The following FLACC1 variants were observed in gnomAD, a reference collection of about 807,000 sequenced individuals.
FLACC1 encodes the protein flagellum associated containing coiled-coil domains 1.
FLACC1 carries 66 observed loss-of-function variants against 62.8 expected under a neutral mutation model. The observed-to-expected ratio is 1.05, with a 90% CI of 0.86 to 1.29. The LOEUF is 1.29. Ranked by LOEUF, FLACC1 falls within the 50% of genes most tolerant of loss-of-function variation. FLACC1 has a pLI of 0.00. For synonymous variants in FLACC1, 156 were observed against 161.0 expected (o/e 0.97, Z 0.24); for missense variants, 452 against 489.1 (o/e 0.92, Z 0.71).
intron 14 of FLACC1, 55 bp downstream of exon 14, chr2:201,289,402 C>T (rs1302377922): frequency 1.3e-6 from 2 of 1,542,058 alleles, no homozygotes; most frequent in African/African-American, 2.7e-5. Context: ...CTCACTCAAA[C>T]TCCTTCCCAC....
intron 9 of FLACC1, among the ~76,000 whole-genome samples, chr2:201,310,826 C>T (rs137904489): frequency 4.3e-4 from 66 of 152,150 alleles, no homozygotes; most frequent in African/African-American, 1.5e-3. Context: ...AATTCAAAAA[C>T]CCATACAAAG....
intron 10 of FLACC1, among the ~76,000 whole-genome samples, chr2:201,307,976 C>A (rs961597176): frequency 1.3e-5 from 2 of 152,190 alleles, no homozygotes; most frequent in African/African-American, 2.4e-5. Context: ...GCTAACATTA[C>A]TTTGCCAGCA....
chr2:201,329,963 C>T (rs1006041244), intron 9 of FLACC1, among the ~76,000 whole-genome samples: 46 of 151,996 alleles, frequency 3.0e-4, no homozygotes, highest in African/African-American at 8.5e-4. Context: ...TTACAGCAAG[C>T]AATTGGAAAC....
chr2:201,320,685 G>A (rs1283224735), intron 9 of FLACC1, among the ~76,000 whole-genome samples: 5 of 152,158 alleles, frequency 3.3e-5, no homozygotes, highest in African/African-American at 1.2e-4. Flanking sequence ...TGCTTGCCCT[G>A]CACAGGGAGA....
chr2:201,338,544 A>C (rs536986192), intron 7 of FLACC1, among the ~76,000 whole-genome samples: 59 of 152,278 alleles, frequency 3.9e-4, no homozygotes, highest in African/African-American at 1.4e-3. Flanking sequence ...GATCTGTCAT[A>C]TACAGCCTTT....
intron 7 of FLACC1, among the ~76,000 whole-genome samples, chr2:201,339,757 T>G (rs1950768422): frequency 6.6e-6 from 1 of 152,248 alleles, no homozygotes; most frequent in Non-Finnish European, 1.5e-5. Context: ...TCTAATCTTA[T>G]AAGTGTGCCT....
At chr2:201,334,972 T>C (rs1950665422) in intron 7 of FLACC1, among the ~76,000 whole-genome samples, 1 of 152,106 alleles carries the variant, frequency 6.6e-6, no homozygotes, top group African/African-American at 2.4e-5. Context: ...ATATCATCTT[T>C]ATTGGTCTGT....
chr2:201,325,962 A>C (rs1255087451), intron 9 of FLACC1, among the ~76,000 whole-genome samples: 1 of 152,204 alleles, frequency 6.6e-6, no homozygotes, highest in Non-Finnish European at 1.5e-5. Context: ...ATAGCACATC[A>C]AAAAGATAAT....
intron 9 of FLACC1, among the ~76,000 whole-genome samples, chr2:201,321,488 C>G (rs921228319): frequency 6.6e-6 from 1 of 152,042 alleles, no homozygotes; most frequent in African/African-American, 2.4e-5. Flanking sequence ...AGACAGACAA[C>G]CCCCCCACCC....
intron 9 of FLACC1, among the ~76,000 whole-genome samples, chr2:201,325,996 G>C (rs533839386): frequency 6.6e-6 from 1 of 152,130 alleles, no homozygotes; most frequent in South Asian, 2.1e-4. Context: ...GTCCCAGGGA[G>C]GCAGGGATGG....
chr2:201,350,450 G>A (rs753913008), intron 3 of FLACC1, among the ~76,000 whole-genome samples: 9 of 152,026 alleles, frequency 5.9e-5, no homozygotes, highest in East Asian at 1.9e-4. Flanking sequence ...AGGCTCAGGC[G>A]GGTGGATTGC....
chr2:201,345,746 T>C (rs973342006), intron 5 of FLACC1, among the ~76,000 whole-genome samples: 10 of 152,262 alleles, frequency 6.6e-5, no homozygotes, highest in South Asian at 2.1e-4. Context: ...TGATATGGCA[T>C]TGGAGGACAG....
intron 5 of FLACC1, among the ~76,000 whole-genome samples, chr2:201,345,723 A>G (rs539367933): frequency 6.6e-6 from 1 of 152,302 alleles, no homozygotes; most frequent in East Asian, 1.9e-4. Flanking sequence ...AAAGAAAGAC[A>G]TGGAGATATA....
At chr2:201,316,936 T>TAAAA (rs1950318120) in intron 9 of FLACC1, among the ~76,000 whole-genome samples, 2 of 151,850 alleles carry the variant, frequency 1.3e-5, no homozygotes, top group Non-Finnish European at 2.9e-5. Context: ...TAAAAAGAAT[T>TAAAA]AAAAATAAAA....
At chr2:201,340,322 G>C (rs1297353893) in intron 7 of FLACC1, among the ~76,000 whole-genome samples, 1 of 151,742 alleles carries the variant, frequency 6.6e-6, no homozygotes, top group East Asian at 1.9e-4. Context: ...TCCTCTCTTG[G>C]TCTCTTCTTT....
chr2:201,307,655 T>G (rs1950135038), intron 10 of FLACC1, 33 bp from the exon 11 acceptor site: 1 of 1,472,754 alleles, frequency 6.8e-7, no homozygotes, highest in African/African-American at 1.4e-5. Context: ...CATATATGTG[T>G]AAAGATGGGA....
chr2:201,346,689 G>C lies in FLACC1; in HGVS notation c.235-14C>G, dbSNP rs756877766. On this transcript the variant is annotated splice_polypyrimidine_tract_variant and intron_variant, in intron 4 of 14. Transcript: ENST00000392257. This position sits in a 1 kb window ranked among gnomAD's most constrained non-coding sequence, Gnocchi z 4.0. ...GTTGATCACTTCCTAGGCATCAAGG[G>C]AAAGTAAGATAAAATGGCAGACTTG... is the stretch of plus-strand genomic sequence containing the variant. The C allele has an allele frequency of 2.5e-6, 4 of 1,613,816 alleles. No individual in the cohort carries two copies. In the South Asian group the frequency reaches 4.4e-5, roughly 18 times the overall value.
chr2:201,303,064 A>C (rs1950020082), intron 11 of FLACC1, among the ~76,000 whole-genome samples: 1 of 152,188 alleles, frequency 6.6e-6, no homozygotes, highest in Non-Finnish European at 1.5e-5. Context: ...AGCAGAAGGC[A>C]AGAAATAACT....
At chr2:201,293,722 T>C (rs1317585382) in intron 12 of FLACC1, among the ~76,000 whole-genome samples, 2 of 151,854 alleles carry the variant, frequency 1.3e-5, no homozygotes, top group Non-Finnish European at 2.9e-5. Flanking sequence ...AAAAAATCAA[T>C]GAATCCAGGA....
Sources: gnomAD v4.1 joint callset for allele counts (sites outside exome capture counted in the v4.1 genomes callset) on GRCh38, gnomAD v4.1.1 for gene constraint, Gnocchi (gnomAD v3.1) non-coding constraint, MANE v1.5 for transcripts, NCBI Gene and HGNC (gene_info 2026-07-23, HGNC 2026-07-21) for gene names.